Variants in TAF1C observed in about 807,000 individuals in gnomAD.
TAF1C encodes TATA-box binding protein associated factor, RNA polymerase I subunit C.
Under a neutral mutation model 70.5 loss-of-function variants are expected in TAF1C, and 79 were observed. The ratio of observed to expected loss-of-function variants is 1.12; its 90% CI spans 0.93 to 1.35. The LOEUF is 1.35. Ranked by LOEUF, TAF1C falls within the 40% of genes most tolerant of loss-of-function variation. The pLI, the probability that TAF1C is intolerant of heterozygous loss-of-function variation, is 0.00. For synonymous variants in TAF1C, 614 were observed against 491.1 expected, an observed-to-expected ratio of 1.25 and a Z score of -3.31; for missense variants, 1,412 against 1,127.8, an observed-to-expected ratio of 1.25 and a Z score of -3.61.
Position 84,183,247 on chromosome 16 carries a change from C to T in TAF1C, c.405G>A (p.Ala135=), listed in dbSNP as rs187518651. The change falls in exon 5 of 15, where the codon GCG becomes GCA. Residue 135 remains alanine (A), a synonymous_variant. Coordinates refer to ENST00000566732, the MANE Select transcript of TAF1C (RefSeq NM_001243156.2). ...LMLENFKLEG[A]GSRTKKKTVV... is the part of the protein sequence containing the mutation. ...CCTGGAGTCACGGGCCACTCACCCCCGCTCCCTCCAGCTTGAAATTCTCCA... is the reference window on the plus strand; with the variant it reads ...CCTGGAGTCACGGGCCACTCACCCCTGCTCCCTCCAGCTTGAAATTCTCCA... 2.5e-4 allele frequency: 409 copies of T among 1,613,992 alleles called. No individual in the cohort carries two copies. The highest frequency in any genetic ancestry group is 9.0e-4 in the South Asian group (82 of 91,086).
intron 1 of TAF1C, among the ~76,000 whole-genome samples, chr16:84,186,177 C>A (rs1366697505): frequency 6.6e-6 from 1 of 152,228 alleles, no homozygotes; most frequent in African/African-American, 2.4e-5. Context: ...GATTCCCATC[C>A]GATTCAGAGG....
At chr16:84,184,466 C>G (rs967308652) in intron 2 of TAF1C, among the ~76,000 whole-genome samples, 2 of 152,226 alleles carry the variant, frequency 1.3e-5, no homozygotes, top group African/African-American at 2.4e-5. Context: ...CTATCCTCCC[C>G]TCTCCCAACC....
At position 84,182,261 on chromosome 16, in the gene TAF1C, C is replaced by T. The variant is rs79432776; in HGVS notation, c.662G>A (p.Gly221Glu). The T allele has an allele frequency of 0.015, 24,000 of 1,613,038 alleles. 231 individuals carry two copies. The highest frequency in any genetic ancestry group is 0.019 in the Non-Finnish European group (21,925 of 1,179,980). Residue 221 changes from glycine to glutamate, a missense_variant, in exon 7 of 15, where the codon GGA becomes GAA. Gly to Glu is a moderately conservative substitution (Grantham distance 98). Coordinates refer to ENST00000566732, the MANE Select transcript of TAF1C (RefSeq NM_001243156.2). The surrounding 1 kb of genome is among the most constrained non-coding windows in gnomAD (Gnocchi z 5.0). ...CAGCTGCCCGAACTGGGGTGTCCTT[C>T]CAGGAACCCAGGCCAGCGCGCCCCC... ...CTGGALAWVP[G>E]RTPQFGQLVY...
At chr16:84,186,841 T>G (rs1325064213) in intron 1 of TAF1C, 60 bp downstream of exon 1, 1 of 152,222 alleles carries the variant, frequency 6.6e-6, no homozygotes, top group African/African-American at 2.4e-5. Context: ...CTCCTACATC[T>G]GCGGGTCCGC....
chr16:84,179,456 A>G lies in TAF1C; in HGVS notation c.2017T>C (p.Ser673Pro), dbSNP rs750744779. The change falls in exon 15 of 15, where the codon TCC (serine) becomes CCC (proline). Residue 673 changes from serine to proline, a missense_variant. Physicochemically the swap from Ser to Pro is moderately conservative, Grantham distance 74. Transcript: ENST00000566732. Reference protein sequence around the residue: ...GQLLLQRDLGSLPAAEPPPAP... With the variant: ...GQLLLQRDLGPLPAAEPPPAP... ...GGGGGTGGCTCTGCCGCAGGGAGGG[A>G]GCCCAGGTCTCTCTGCAGCAGGAGC... The G allele has an allele frequency of 6.3e-7, 1 of 1,596,968 alleles. No individual in the cohort carries two copies. The highest frequency in any genetic ancestry group is 1.1e-5 in the South Asian group (1 of 90,742).
In TAF1C at chr16:84,182,111, C is replaced by T. The variant is rs2089234126; in HGVS notation, c.722-53G>A. The T allele has an allele frequency of 6.3e-7, 1 of 1,594,408 alleles. No individual in the cohort carries two copies. The highest frequency in any genetic ancestry group is 1.3e-5 in the African/African-American group (1 of 74,500). On this transcript the variant is annotated intron_variant, in intron 7 of 14. Transcript: ENST00000566732. The surrounding 1 kb of genome is among the most constrained non-coding windows in gnomAD (Gnocchi z 5.0). ...CGAGCTATGATCACTGCAAGCCCCCCAAATTCCTGCCCTTCTCTGGACCAT... is the reference window on the plus strand; with the variant it reads ...CGAGCTATGATCACTGCAAGCCCCCTAAATTCCTGCCCTTCTCTGGACCAT...
intron 1 of TAF1C, chr16:84,185,484 A>G (rs935513841): frequency 2.0e-5 from 3 of 153,160 alleles, no homozygotes; most frequent in African/African-American, 7.2e-5. Flanking sequence ...TCATACATTT[A>G]CAGACTACAC....
At position 84,177,926 on chromosome 16, in the gene TAF1C, C is replaced by A; in HGVS notation, c.*1015G>T. ...TAAACATTTTAACACCCACGCGAGT[C>A]AGTGTATGATTGGGCTAGCTCCTGT... On this transcript the variant is annotated 3_prime_UTR_variant, in exon 15 of 15. Transcript: ENST00000566732. The A allele has an allele frequency of 3.5e-6, 4 of 1,155,054 alleles. No individual in the cohort carries two copies. Among genetic ancestry groups the A allele is most frequent in the South Asian group, 2.5e-5 (2 of 80,026 alleles). The allele number at this position is 1,155,054 out of a possible 1,614,324, so 71.6% of individuals were successfully genotyped here.
Position 84,180,174 on chromosome 16 carries a change from C to G in TAF1C, c.1479G>C (p.Leu493=). ...GQGGQLQLLH[L]AGEGASVPRL... ...CACCCTGGCCTGGACCCTCACCTGC[C>G]AGGTGCAGCAGCTGCAGCTGCCCAC... Residue 493 remains leucine, a synonymous_variant, in exon 13 of 15, where the codon CTG becomes CTC. Transcript: ENST00000566732. 1 of 1,552,514 alleles carries G rather than the reference C, an allele frequency of 6.4e-7. No individual in the cohort carries two copies. Among genetic ancestry groups the G allele is most frequent in the African/African-American group, 1.4e-5 (1 of 72,478 alleles).
At chr16:84,180,106 G>C in intron 13 of TAF1C, 23 bp from the exon 14 acceptor site, 2 of 1,580,332 alleles carry the variant, frequency 1.3e-6, no homozygotes. Context: ...AGACAGCTGA[G>C]GCCCTGTCCA....
In TAF1C at chr16:84,179,181, G is replaced by T; in HGVS notation, c.2292C>A (p.Pro764=). ...WPPADALPLP[P]TTPPSQELTP... is the part of the protein sequence containing the mutation. Reference sequence around the variant, plus strand: ...TCAACTCCTGGGAGGGCGGGGTCGTGGGGGGCAGGGGCAGAGCATCAGCAG... The same window carrying T: ...TCAACTCCTGGGAGGGCGGGGTCGTTGGGGGCAGGGGCAGAGCATCAGCAG... Residue 764 remains proline (P), a synonymous_variant, in exon 15 of 15, where the codon CCC becomes CCA. Transcript: ENST00000566732. 3.8e-6 allele frequency: 6 copies of T among 1,592,190 alleles called. No homozygotes were observed. The highest frequency in any genetic ancestry group is 1.7e-4 in the Middle Eastern group (1 of 6,034).
rs779711666 is a variant in TAF1C at position 84,179,423 on chromosome 16, C to G, written c.2050G>C (p.Glu684Gln). ...LPAAEPPPAPESGLEDKLSER... is the reference protein window; with the variant it reads ...LPAAEPPPAPQSGLEDKLSER... ...CTGAGCTTGTCCTCTAGGCCTGACT[C>G]GGGTGCAGGGGGTGGCTCTGCCGCA... The change falls in exon 15 of 15, where the codon GAG becomes CAG. Residue 684 changes from glutamate (E) to glutamine (Q), a missense_variant. Physicochemically the swap from Glu to Gln is conservative, Grantham distance 29 (BLOSUM62 2). Coordinates refer to ENST00000566732, the MANE Select transcript of TAF1C (RefSeq NM_001243156.2). 2 of 1,597,238 alleles carry G rather than the reference C, an allele frequency of 1.3e-6. No individual in the cohort carries two copies. Among genetic ancestry groups the G allele is most frequent in the Non-Finnish European group, 1.7e-6 (2 of 1,177,466 alleles).
At chr16:84,186,232 C>G (rs2089480669) in intron 1 of TAF1C, among the ~76,000 whole-genome samples, 1 of 152,204 alleles carries the variant, frequency 6.6e-6, no homozygotes, top group Non-Finnish European at 1.5e-5. Context: ...AATGCAAACG[C>G]TAGCATTAGA....
At position 84,182,419 on chromosome 16, in the gene TAF1C, G is replaced by A. The variant is rs777274190; in HGVS notation, c.504C>T (p.Ser168=). 2 of 1,603,202 alleles carry A rather than the reference G, an allele frequency of 1.2e-6. No homozygotes were observed. The highest frequency in any genetic ancestry group is 1.7e-6 in the Non-Finnish European group (2 of 1,177,258). The change falls in exon 7 of 15, where the codon AGC becomes AGT. Residue 168 remains serine (S), a synonymous_variant. Transcript: ENST00000566732. The surrounding 1 kb of genome is among the most constrained non-coding windows in gnomAD (Gnocchi z 5.0). Reference sequence around the variant, plus strand: ...GGATAGAGAAGCGGCGCTGTCGGTTGCTGAGGTAAGCCCAGGGACACCTGG... The same window carrying A: ...GGATAGAGAAGCGGCGCTGTCGGTTACTGAGGTAAGCCCAGGGACACCTGG... ...QPWGCPWAYL[S]NRQRRFSILG...
At chr16:84,181,211 C>G (rs2303233) in intron 11 of TAF1C, 25 bp from the exon 12 acceptor site, 2 of 1,595,132 alleles carry the variant, frequency 1.3e-6, no homozygotes, top group Non-Finnish European at 1.7e-6. Context: ...CAGGGTCAGC[C>G]CTCCCCACAG....
In TAF1C at chr16:84,182,966, A is replaced by C. The variant is rs1567596062; in HGVS notation, c.482+110T>G. The C allele has an allele frequency of 9.3e-7, 1 of 1,070,558 alleles. No individual in the cohort carries two copies. Among genetic ancestry groups the C allele is most frequent in the Non-Finnish European group, 1.4e-6 (1 of 698,796 alleles). The allele number at this position is 1,070,558 out of a possible 1,614,324, so 66.3% of individuals were successfully genotyped here. On this transcript the variant is annotated intron_variant, in intron 6 of 14. Coordinates refer to ENST00000566732, the MANE Select transcript of TAF1C (RefSeq NM_001243156.2). This position sits in a 1 kb window ranked among gnomAD's most constrained non-coding sequence, Gnocchi z 5.0. ...AGAAAGTACAGCTCAGACTGCATGG[A>C]GCAGGGGGGAAGTGGGTATGACGGA...
Position 84,183,313 on chromosome 16 carries a change from A to G in TAF1C, c.339T>C (p.Asp113=). 6.2e-7 allele frequency: 1 copy of G among 1,613,974 alleles called. No individual in the cohort carries two copies. The highest frequency in any genetic ancestry group is 1.3e-5 in the African/African-American group (1 of 75,022). ...GGGGCGCAAAGGCTACGTCTCCATG[A>G]TCCAAGAGGAACCGGCTGATCTGGG... is the stretch of plus-strand genomic sequence containing the variant. ...VTEQISRFLL[D]HGDVAFAPLG... Residue 113 remains aspartate, a synonymous_variant, in exon 5 of 15, where the codon GAT becomes GAC. Transcript: ENST00000566732.
At position 84,182,372 on chromosome 16, in the gene TAF1C, G is replaced by A. The variant is rs761852621; in HGVS notation, c.551C>T (p.Thr184Met). 1.5e-5 allele frequency: 24 copies of A among 1,608,726 alleles called. No homozygotes were observed. Among genetic ancestry groups the A allele is most frequent in the African/African-American group, 2.7e-5 (2 of 74,840 alleles). ...CTCTGCCAAGTGGCTCGCCACCGAC[G>A]TGCCCAGGATGGGGCCCCCGAGGAT... ...FSILGGPILG[T>M]SVASHLAELL... Residue 184 changes from threonine (T) to methionine (M), a missense_variant, in exon 7 of 15, where the codon ACG becomes ATG. By Grantham distance (81) the Thr-to-Met change is moderately conservative (BLOSUM62 -1). Transcript: ENST00000566732. The surrounding 1 kb of genome is among the most constrained non-coding windows in gnomAD (Gnocchi z 5.0).
In TAF1C at chr16:84,182,363, G is replaced by A. The variant is rs201410237; in HGVS notation, c.560C>T (p.Ala187Val). ...GTGCAGCAGCTCTGCCAAGTGGCTC[G>A]CCACCGACGTGCCCAGGATGGGGCC... ...LGGPILGTSV[A>V]SHLAELLHEE... The change falls in exon 7 of 15, where the codon GCG becomes GTG. Residue 187 changes from alanine to valine, a missense_variant. Transcript: ENST00000566732. This position sits in a 1 kb window ranked among gnomAD's most constrained non-coding sequence, Gnocchi z 5.0. 8.3e-5 allele frequency: 132 copies of A among 1,594,378 alleles called. 2 individuals are homozygous for A. Among genetic ancestry groups the A allele is most frequent in the Middle Eastern group, 7.1e-4 (4 of 5,630 alleles).
Sources: allele counts gnomAD v4.1 joint callset (sites outside exome capture counted in the v4.1 genomes callset), GRCh38; gene constraint gnomAD v4.1.1; non-coding constraint Gnocchi (gnomAD v3.1); transcripts MANE v1.5; gene names NCBI Gene and HGNC (gene_info 2026-07-23, HGNC 2026-07-21).